The following HIP1 variants were observed in gnomAD, a reference collection of about 807,000 sequenced individuals.
The protein encoded by HIP1 is huntingtin-interacting protein 1.
Under a neutral mutation model 147.6 loss-of-function variants are expected in HIP1, and 65 were observed. The observed-to-expected ratio is 0.44, with a 90% CI of 0.36 to 0.54. HIP1 has a LOEUF of 0.54. Among genes scored for constraint, HIP1 ranks in the 20% least tolerant of loss-of-function variants. The pLI is 0.00. For missense variants in HIP1, 1,061 were observed against 1,299.6 expected (o/e 0.82, Z 2.82); for synonymous variants, 479 against 504.0 (o/e 0.95, Z 0.67).
rs781814161 is a variant in HIP1, at chr7:75,553,436, G to T, written c.2295+17C>A. ...CAGAAGAATAACAATGCTCCTCAAT[G>T]ATACTACTCCAAGTACCTCGCCGAT... is the stretch of plus-strand genomic sequence containing the variant. On this transcript the variant is annotated intron_variant, in intron 22 of 30. Coordinates refer to ENST00000336926, the MANE Select transcript of HIP1 (RefSeq NM_005338.7). 1 of 1,612,694 alleles carries T rather than the reference G, an allele frequency of 6.2e-7. No homozygotes were observed. The highest frequency in any genetic ancestry group is 8.5e-7 in the Non-Finnish European group (1 of 1,179,456).
At chr7:75,664,006 G>GCA (rs1799419312) in intron 1 of HIP1, among the ~76,000 whole-genome samples, 1 of 18,216 alleles carries the variant, frequency 5.5e-5, no homozygotes, top group Admixed American at 6.9e-4. Context: ...ACATATATGT[G>GCA]TATATATATA....
At chr7:75,613,467 T>C (rs1554505429) in intron 1 of HIP1, among the ~76,000 whole-genome samples, 2 of 152,192 alleles carry the variant, frequency 1.3e-5, no homozygotes, top group Non-Finnish European at 2.9e-5. Context: ...AGATTAGTGG[T>C]AGTAGCAGGA....
chr7:75,726,343 G>C (rs1189320655), intron 1 of HIP1, among the ~76,000 whole-genome samples: 2 of 151,482 alleles, frequency 1.3e-5, no homozygotes, highest in African/African-American at 4.9e-5. Flanking sequence ...GAGTGCAATG[G>C]TTCGGTCTTG....
At chr7:75,641,199 G>A (rs1185621690) in intron 1 of HIP1, among the ~76,000 whole-genome samples, 2 of 152,016 alleles carry the variant, frequency 1.3e-5, no homozygotes, top group African/African-American at 4.8e-5. Context: ...CCAGCCACTC[G>A]ATAGGGTGAG....
rs782627183 is a variant in HIP1 at position 75,635,941 on chromosome 7, T to C, written c.121-36694A>G. Among the ~76,000 whole-genome samples the C allele has an allele frequency of 8.0e-5, 12 of 149,204 alleles. 1 individual carries two copies. Among genetic ancestry groups the C allele is most frequent in the African/African-American group, 3.0e-4 (12 of 40,280 alleles). On this transcript the variant is annotated intron_variant, in intron 1 of 30. Transcript: ENST00000336926. ...AGGAGGCTGAGGTAGGGAGGATCACTTGAACCTGGAAGGCGGACGTTGCAA... is the reference window on the plus strand; with the variant it reads ...AGGAGGCTGAGGTAGGGAGGATCACCTGAACCTGGAAGGCGGACGTTGCAA...
At chr7:75,698,432 G>A (rs1162427174) in intron 1 of HIP1, among the ~76,000 whole-genome samples, 9 of 152,110 alleles carry the variant, frequency 5.9e-5, no homozygotes, top group African/African-American at 2.2e-4. Context: ...TTCTACTCTT[G>A]GAGCCCATGG....
chr7:75,637,997 C>CACAT (rs1798498141), intron 1 of HIP1, among the ~76,000 whole-genome samples: 12 of 72,754 alleles, frequency 1.6e-4, no homozygotes, highest in African/African-American at 7.0e-4. Context: ...CCCCCCCACA[C>CACAT]ACACACATAC....
intron 1 of HIP1, among the ~76,000 whole-genome samples, chr7:75,685,454 C>A (rs1420825413): frequency 1.3e-5 from 2 of 152,220 alleles, no homozygotes; most frequent in African/African-American, 4.8e-5. Context: ...CCGTGAAATG[C>A]CTACTGATGT....
In HIP1 at chr7:75,664,151, TA is replaced by T. The variant is rs1799450492; in HGVS notation, c.121-64905del. ...ACACATGTGTGTACATACATACATG[TA>T]TGTGTGTATATTTACATACATATAT... On this transcript the variant is annotated intron_variant, in intron 1 of 30. Transcript: ENST00000336926. Among the ~76,000 whole-genome samples the T allele has an allele frequency of 2.0e-4, 8 of 39,768 alleles. 2 individuals carry two copies. Among genetic ancestry groups the T allele is most frequent in the Non-Finnish European group, 3.3e-4 (7 of 21,080 alleles). The allele number at this position is 39,768 out of a possible 152,430, so 26.1% of individuals were successfully genotyped here. A position where few individuals can be genotyped will look rare whatever the true frequency, so the allele number is the denominator to read the frequency against.
chr7:75,641,758 C>G (rs1161854126), intron 1 of HIP1, among the ~76,000 whole-genome samples: 1 of 152,082 alleles, frequency 6.6e-6, no homozygotes, highest in Non-Finnish European at 1.5e-5. Context: ...GGATTACAGG[C>G]GTGAGCCACT....
Position 75,561,562 on chromosome 7 carries a change from A to G in HIP1, c.1119-161T>C, listed in dbSNP as rs587752626. On this transcript the variant is annotated intron_variant, in intron 12 of 30. Coordinates refer to ENST00000336926, the MANE Select transcript of HIP1 (RefSeq NM_005338.7). Reference sequence around the variant, plus strand: ...AAATGTTACCAGATACTAATCTAATACTCATAAATCCATGGTTATTGATTT... The same window carrying G: ...AAATGTTACCAGATACTAATCTAATGCTCATAAATCCATGGTTATTGATTT... 3.9e-5 allele frequency among the ~76,000 whole-genome samples: 6 copies of G among 152,258 alleles called. No individual in the cohort carries two copies. The East Asian group carries it at 1.2e-3, about 29-fold the overall frequency.
chr7:75,686,363 G>T (rs954546588), intron 1 of HIP1, among the ~76,000 whole-genome samples: 1 of 152,076 alleles, frequency 6.6e-6, no homozygotes, highest in Non-Finnish European at 1.5e-5. Context: ...AAAAGCTTTG[G>T]TTTTCGCAGT....
intron 1 of HIP1, among the ~76,000 whole-genome samples, chr7:75,697,534 CCAGATAAATGTTAGA>C (rs1800678912): frequency 6.6e-6 from 1 of 152,116 alleles, no homozygotes; most frequent in African/African-American, 2.4e-5. Flanking sequence ...ATTTATTCTT[CCAGATAAATGTTAGA>C]ATTTAAAAGT....
chr7:75,649,727 C>T (rs543961014), intron 1 of HIP1, among the ~76,000 whole-genome samples: 7 of 152,268 alleles, frequency 4.6e-5, no homozygotes, highest in East Asian at 1.9e-4. Flanking sequence ...CAGGAACCCC[C>T]GGCCTGGTCT....
intron 17 of HIP1, among the ~76,000 whole-genome samples, 161 bp downstream of exon 17, chr7:75,556,549 G>T (rs947798001): frequency 9.2e-5 from 14 of 152,170 alleles, no homozygotes; most frequent in Non-Finnish European, 1.6e-4. Flanking sequence ...GCCAGGTGTA[G>T]GGGTGTGTGC....
At chr7:75,689,562 A>C (rs553579904) in intron 1 of HIP1, among the ~76,000 whole-genome samples, 2 of 152,338 alleles carry the variant, frequency 1.3e-5, no homozygotes, top group Admixed American at 1.3e-4. Context: ...ACATGCATAC[A>C]TGCACATATA....
intron 1 of HIP1, among the ~76,000 whole-genome samples, chr7:75,678,432 C>T (rs190216527): frequency 7.0e-4 from 106 of 150,898 alleles, no homozygotes; most frequent in Admixed American, 1.4e-3. Context: ...CAACCTCCCT[C>T]TCCCAGCTTC....
At chr7:75,724,110 C>T (rs1277347636) in intron 1 of HIP1, among the ~76,000 whole-genome samples, 1 of 152,018 alleles carries the variant, frequency 6.6e-6, no homozygotes, top group Non-Finnish European at 1.5e-5. Context: ...TTGTGAGCCA[C>T]CACACCCAGC....
chr7:75,608,088 C>T (rs1053209532), intron 1 of HIP1, among the ~76,000 whole-genome samples: 4 of 152,240 alleles, frequency 2.6e-5, no homozygotes, highest in Middle Eastern at 3.4e-3. Flanking sequence ...AGGTGGATCA[C>T]GAGGTCAGGA....
Sources: allele counts gnomAD v4.1 joint callset (sites outside exome capture counted in the v4.1 genomes callset), GRCh38; gene constraint gnomAD v4.1.1; transcripts MANE v1.5; gene names NCBI Gene and HGNC (gene_info 2026-07-23, HGNC 2026-07-21).